MAP4K4: variants seen among roughly 807,000 people sequenced by gnomAD.
MAP4K4 encodes the protein mitogen-activated protein kinase kinase kinase kinase 4.
MAP4K4 carries 38 observed loss-of-function variants against 189.6 expected under a neutral mutation model. The observed-to-expected ratio is 0.20, with a 90% CI of 0.15 to 0.26. The LOEUF is 0.26. Among genes scored for constraint, MAP4K4 ranks in the 10% least tolerant of loss-of-function variants. The pLI is 1.00. For synonymous variants in MAP4K4, 610 were observed against 624.3 expected (o/e 0.98, Z 0.34); for missense variants, 1,054 against 1,726.9 (o/e 0.61, Z 6.91).
Position 101,782,542 on chromosome 2 carries a change from A to G in MAP4K4, c.124-8178A>G, listed in dbSNP as rs537217819. On this transcript the variant is annotated intron_variant, in intron 2 of 32. Coordinates refer to ENST00000324219, the Ensembl canonical transcript of MAP4K4. ...GATCACAGAAGGAAGGGAGAAGTAG[A>G]TAAGAAATAGTAGTTATGAGGATGA... Among the ~76,000 whole-genome samples, 6 of 152,328 alleles carry G rather than the reference A, an allele frequency of 3.9e-5. No homozygotes were observed. The South Asian group carries it at 1.2e-3, about 32-fold the overall frequency.
chr2:101,782,858 G>C (rs2088444716), intron 2 of MAP4K4, among the ~76,000 whole-genome samples: 1 of 152,168 alleles, frequency 6.6e-6, no homozygotes, highest in South Asian at 2.1e-4. Context: ...ATTTTTTGCA[G>C]ATGCTTTTTG....
intron 2 of MAP4K4, among the ~76,000 whole-genome samples, chr2:101,745,915 C>T (rs376400442): frequency 6.6e-5 from 10 of 150,722 alleles, no homozygotes; most frequent in East Asian, 5.8e-4. Flanking sequence ...GGTTCTCTGC[C>T]GTGGTTGATA....
chr2:101,827,409 C>T (rs750866000), intron 5 of MAP4K4, among the ~76,000 whole-genome samples: 7 of 152,070 alleles, frequency 4.6e-5, no homozygotes, highest in Non-Finnish European at 1.0e-4. Flanking sequence ...TACTAAGAGT[C>T]GGCTTTGGTA....
intron 2 of MAP4K4, among the ~76,000 whole-genome samples, chr2:101,763,238 T>G (rs2077227149): frequency 6.6e-6 from 1 of 152,204 alleles, no homozygotes. Context: ...TGTGTAGCAC[T>G]TATACTTACC....
In MAP4K4 at chr2:101,787,809, T is replaced by TTC. The variant is rs563936747; in HGVS notation, c.124-2910_124-2909insCT. 7.8e-4 allele frequency among the ~76,000 whole-genome samples: 117 copies of TTC among 150,242 alleles called. 3 individuals carry two copies. In the South Asian group the frequency reaches 0.023, roughly 29 times the overall value. ...GTTTCAAATTTAGAAGTTTGCTTTT[T>TTC]TTTTTTTTTTTTGAGACAGAGTCTC... On this transcript the variant is annotated intron_variant, in intron 2 of 32. Coordinates refer to ENST00000324219, the Ensembl canonical transcript of MAP4K4.
At chr2:101,798,815 T>C (rs2094078089) in intron 3 of MAP4K4, among the ~76,000 whole-genome samples, 1 of 152,220 alleles carries the variant, frequency 6.6e-6, no homozygotes, top group African/African-American at 2.4e-5. Flanking sequence ...AAGAAAACAG[T>C]CTTCTATTGC....
intron 2 of MAP4K4, among the ~76,000 whole-genome samples, chr2:101,786,425 C>T (rs1395828226): frequency 6.6e-6 from 1 of 151,856 alleles, no homozygotes; most frequent in Non-Finnish European, 1.5e-5. Context: ...CATACATTTT[C>T]CTGAAATTTA....
intron 2 of MAP4K4, among the ~76,000 whole-genome samples, chr2:101,740,418 TGCTGGG>T (rs2062184198): frequency 9.8e-6 from 1 of 102,538 alleles, no homozygotes; most frequent in African/African-American, 1.6e-4. Context: ...CCTCCCAAAG[TGCTGGG>T]ATTACAGGCG....
At chr2:101,821,509 A>G (rs2096055891) in intron 3 of MAP4K4, among the ~76,000 whole-genome samples, 1 of 152,218 alleles carries the variant, frequency 6.6e-6, no homozygotes, top group Non-Finnish European at 1.5e-5. Context: ...TTGTGTATCT[A>G]AACATAGAAA....
chr2:101,728,664 G>C (rs746197161), intron 2 of MAP4K4, among the ~76,000 whole-genome samples: 7 of 152,032 alleles, frequency 4.6e-5, no homozygotes, highest in Non-Finnish European at 8.8e-5. Context: ...GACTACAGGC[G>C]TGCACCACCA....
At chr2:101,839,486 A>G (rs933485017) in intron 9 of MAP4K4, among the ~76,000 whole-genome samples, 1 of 152,080 alleles carries the variant, frequency 6.6e-6, no homozygotes, top group Admixed American at 6.6e-5. Context: ...ACCTCCCTTT[A>G]CCCCCTTGCT....
chr2:101,715,003 G>T (rs2047643068), intron 2 of MAP4K4, among the ~76,000 whole-genome samples: 2 of 152,136 alleles, frequency 1.3e-5, no homozygotes, highest in South Asian at 4.1e-4. Context: ...ACAAATGTAT[G>T]GGAACTCCAT....
intron 32 of MAP4K4, among the ~76,000 whole-genome samples, chr2:101,890,433 C>T (rs1451112021): frequency 6.6e-6 from 1 of 152,066 alleles, no homozygotes; most frequent in Non-Finnish European, 1.5e-5. Context: ...ATAATTGCCC[C>T]AGAGGTTTTT....
chr2:101,781,287 A>T (rs937972743), intron 2 of MAP4K4, among the ~76,000 whole-genome samples: 5 of 152,114 alleles, frequency 3.3e-5, no homozygotes, highest in Non-Finnish European at 7.3e-5. Context: ...ATGCATCTTC[A>T]CCAGATGTCT....
intron 3 of MAP4K4, 115 bp downstream of exon 3, chr2:101,790,891 C>T (rs2092768227): frequency 4.4e-6 from 4 of 906,250 alleles, no homozygotes; most frequent in East Asian, 2.7e-5. Context: ...AAATTGCCCT[C>T]CTGTGACATT....
At chr2:101,809,211 A>G (rs377708547) in intron 3 of MAP4K4, among the ~76,000 whole-genome samples, 1 of 152,140 alleles carries the variant, frequency 6.6e-6, no homozygotes, top group African/African-American at 2.4e-5. Context: ...GCGCGTATAT[A>G]TGTTATTTTC....
chr2:101,838,053 A>G (rs556534467), intron 9 of MAP4K4, among the ~76,000 whole-genome samples: 10 of 152,092 alleles, frequency 6.6e-5, no homozygotes, highest in African/African-American at 1.2e-4. Flanking sequence ...TGTAAATTCT[A>G]CTGTTTTTTT....
intron 3 of MAP4K4, among the ~76,000 whole-genome samples, chr2:101,812,981 T>C (rs976681110): frequency 1.3e-5 from 2 of 152,026 alleles, no homozygotes; most frequent in African/African-American, 2.4e-5. Flanking sequence ...TACAAAAAAT[T>C]AGCTGGGCAC....
At chr2:101,798,887 T>G (rs1209123133) in intron 3 of MAP4K4, among the ~76,000 whole-genome samples, 1 of 152,224 alleles carries the variant, frequency 6.6e-6, no homozygotes, top group Non-Finnish European at 1.5e-5. Flanking sequence ...ACATTTTAGA[T>G]GCTAACATTA....
Sources: allele counts gnomAD v4.1 joint callset (sites outside exome capture counted in the v4.1 genomes callset), GRCh38; gene constraint gnomAD v4.1.1; transcripts MANE v1.5; gene names NCBI Gene and HGNC (gene_info 2026-07-23, HGNC 2026-07-21).